MED13L: variants seen among roughly 807,000 people sequenced by gnomAD.
MED13L encodes the protein mediator complex subunit 13L, also known as mediator of RNA polymerase II transcription subunit 13-like.
Under a neutral mutation model 220.9 loss-of-function variants are expected in MED13L, and 7 were observed. That is an observed-to-expected ratio of 0.03 (90% CI 0.02 to 0.06). The LOEUF (loss-of-function observed/expected upper bound fraction) is 0.06. Ranked by LOEUF, MED13L falls within the 10% of genes least tolerant of loss-of-function variation. The pLI is 1.00. For missense variants in MED13L, 1,965 were observed against 2,760.5 expected, an observed-to-expected ratio of 0.71 and a Z score of 6.46; for synonymous variants, 1,011 against 1,015.2, an observed-to-expected ratio of 1.00 and a Z score of 0.08.
chr12:116,110,132 C>G (rs1196220265), intron 3 of MED13L: 1 of 152,096 alleles, frequency 6.6e-6, no homozygotes, highest in Non-Finnish European at 1.5e-5. Flanking sequence ...TCCACTTCTC[C>G]CCTCAAAACA....
chr12:116,165,837 T>G (rs1055154557), intron 2 of MED13L, among the ~76,000 whole-genome samples: 2 of 152,170 alleles, frequency 1.3e-5, no homozygotes, highest in African/African-American at 4.8e-5. Flanking sequence ...CTTTTGTGGC[T>G]ACACTATGCC....
chr12:116,154,933 TCTC>T (rs1448096544), intron 2 of MED13L, among the ~76,000 whole-genome samples: 1 of 151,996 alleles, frequency 6.6e-6, no homozygotes, highest in Non-Finnish European at 1.5e-5. Flanking sequence ...TTTAAGCAAT[TCTC>T]CTACCTCAGC....
At chr12:116,190,593 C>G (rs1435307340) in intron 2 of MED13L, among the ~76,000 whole-genome samples, 1 of 152,166 alleles carries the variant, frequency 6.6e-6, no homozygotes, top group Admixed American at 6.5e-5. Context: ...GGCAACCTGT[C>G]AAACAATCTC....
intron 2 of MED13L, among the ~76,000 whole-genome samples, chr12:116,229,601 T>C (rs1165053948): frequency 2.0e-5 from 3 of 152,210 alleles, no homozygotes; most frequent in Non-Finnish European, 2.9e-5. Context: ...ACTCAAAAGA[T>C]AGACTTTAGC....
At chr12:116,057,214 A>T (rs1450137024) in intron 4 of MED13L, among the ~76,000 whole-genome samples, 1 of 152,186 alleles carries the variant, frequency 6.6e-6, no homozygotes, top group African/African-American at 2.4e-5. Context: ...AGCCCATAAA[A>T]TAAAGTCCTG....
chr12:116,089,648 C>T (rs576300062), intron 4 of MED13L, among the ~76,000 whole-genome samples: 1 of 152,012 alleles, frequency 6.6e-6, no homozygotes, highest in Non-Finnish European at 1.5e-5. Flanking sequence ...ATTAAGACAA[C>T]ATTCCCCTCT....
chr12:116,050,502 T>C (rs1194423097), intron 4 of MED13L, among the ~76,000 whole-genome samples: 1 of 152,100 alleles, frequency 6.6e-6, no homozygotes, highest in Non-Finnish European at 1.5e-5. Flanking sequence ...ATAGAAAAGT[T>C]GTAAAATTAA....
chr12:116,248,034 CAAAT>C (rs1011141785), intron 1 of MED13L, among the ~76,000 whole-genome samples: 2 of 152,082 alleles, frequency 1.3e-5, no homozygotes, highest in African/African-American at 4.8e-5. Context: ...TAAAATGCAA[CAAAT>C]AAAGAGATGA....
chr12:116,118,630 C>G (rs532572186), intron 2 of MED13L, among the ~76,000 whole-genome samples: 1 of 152,084 alleles, frequency 6.6e-6, no homozygotes, highest in Middle Eastern at 3.4e-3. Context: ...TCCTTTTTTT[C>G]TCATGATCAG....
At chr12:116,119,451 C>T (rs1479075003) in intron 2 of MED13L, among the ~76,000 whole-genome samples, 1 of 151,970 alleles carries the variant, frequency 6.6e-6, no homozygotes, top group Non-Finnish European at 1.5e-5. Flanking sequence ...TAGTTGGATA[C>T]CCAATATTCT....
At chr12:116,198,018 GCA>G (rs1881753077) in intron 2 of MED13L, among the ~76,000 whole-genome samples, 1 of 152,010 alleles carries the variant, frequency 6.6e-6, no homozygotes, top group African/African-American at 2.4e-5. Context: ...ACCTATGAAT[GCA>G]CAAAGTCATT....
chr12:116,010,763 C>A (rs1216796732), intron 9 of MED13L, among the ~76,000 whole-genome samples: 1 of 152,092 alleles, frequency 6.6e-6, no homozygotes, highest in Non-Finnish European at 1.5e-5. Flanking sequence ...AGTGTGAAAT[C>A]CAGTGACAGA....
intron 4 of MED13L, among the ~76,000 whole-genome samples, chr12:116,046,474 C>T (rs1881842934): frequency 6.6e-6 from 1 of 152,130 alleles, no homozygotes; most frequent in African/African-American, 2.4e-5. Context: ...CTTTTGTTAC[C>T]TTCGTTACTC....
At chr12:116,111,374 T>C in intron 3 of MED13L, 54 bp downstream of exon 3, 1 of 1,387,368 alleles carries the variant, frequency 7.2e-7, no homozygotes. Context: ...ACTCTCGGTA[T>C]CTAGCAATAT....
intron 23 of MED13L, among the ~76,000 whole-genome samples, chr12:115,976,068 T>G: frequency 6.6e-6 from 1 of 152,052 alleles, no homozygotes; most frequent in South Asian, 2.1e-4. Context: ...CAACCACCAG[T>G]ATGTCGAAAA....
At chr12:115,982,166 T>C (rs1877374130) in intron 22 of MED13L, 1 of 562,362 alleles carries the variant, frequency 1.8e-6, no homozygotes, top group Non-Finnish European at 3.2e-6. Context: ...CATAAATAAA[T>C]TTTATGTTTA....
chr12:116,035,646 A>T (rs1881143802), intron 4 of MED13L, among the ~76,000 whole-genome samples: 1 of 152,148 alleles, frequency 6.6e-6, no homozygotes, highest in South Asian at 2.1e-4. Flanking sequence ...GCTGGAATGC[A>T]GTGGCGCGAT....
At chr12:116,187,845 T>C (rs1880995158) in intron 2 of MED13L, among the ~76,000 whole-genome samples, 1 of 151,010 alleles carries the variant, frequency 6.6e-6, no homozygotes, top group South Asian at 2.1e-4. Context: ...ACACAGGGCC[T>C]GGAGGGTACT....
intron 5 of MED13L, among the ~76,000 whole-genome samples, chr12:116,021,717 C>T (rs1227717141): frequency 6.6e-6 from 1 of 152,030 alleles, no homozygotes; most frequent in East Asian, 1.9e-4. Context: ...CTAATAATGA[C>T]ATATTAGACT....
Sources: gnomAD v4.1 joint callset for allele counts (sites outside exome capture counted in the v4.1 genomes callset) on GRCh38, gnomAD v4.1.1 for gene constraint, MANE v1.5 for transcripts, NCBI Gene and HGNC (gene_info 2026-07-23, HGNC 2026-07-21) for gene names.